USP32: variants seen among roughly 807,000 people sequenced by gnomAD.
USP32 encodes ubiquitin carboxyl-terminal hydrolase 32.
A neutral mutation model predicts 204.8 loss-of-function variants in USP32; 59 were observed. The ratio of observed to expected loss-of-function variants is 0.29; its 90% CI spans 0.23 to 0.36. The LOEUF (loss-of-function observed/expected upper bound fraction) is 0.36, where lower values mean the gene tolerates loss of function less well. Among genes scored for constraint, USP32 ranks in the 10% least tolerant of loss-of-function variants. The pLI, the probability that USP32 is intolerant of heterozygous loss-of-function variation, is 1.00. For synonymous variants in USP32, 517 were observed against 678.4 expected (o/e 0.76, Z 3.70); for missense variants, 1,160 against 1,946.4 (o/e 0.60, Z 7.60).
chr17:60,260,518 T>TA (rs34862998), intron 9 of USP32, among the ~76,000 whole-genome samples: 18,859 of 139,324 alleles, frequency 0.14, 2,471 homozygotes, highest in African/African-American at 0.34. Context: ...AGCAAGACTT[T>TA]AAAAAAAAAA....
chr17:60,179,510 C>G, intron 33 of USP32, 82 bp from the exon 34 acceptor site: 2 of 1,545,598 alleles, frequency 1.3e-6, no homozygotes, highest in Non-Finnish European at 1.8e-6. Flanking sequence ...AAGACCAACC[C>G]TCTGTAATTA....
At chr17:60,340,544 A>G (rs555952118) in intron 2 of USP32, among the ~76,000 whole-genome samples, 1 of 152,186 alleles carries the variant, frequency 6.6e-6, no homozygotes, top group South Asian at 2.1e-4. Flanking sequence ...CCATCCCTTT[A>G]TTTTGAGCCT....
At chr17:60,257,318 C>T (rs1340811396) in intron 9 of USP32, among the ~76,000 whole-genome samples, 5 of 152,122 alleles carry the variant, frequency 3.3e-5, no homozygotes, top group Admixed American at 6.6e-5. Context: ...CATGTTACTT[C>T]GTGGATCACA....
At chr17:60,245,392 G>T in intron 11 of USP32, 1 of 402,006 alleles carries the variant, frequency 2.5e-6, no homozygotes. Context: ...AACACTGTGG[G>T]CAATCTCAGC....
At chr17:60,418,651 T>G (rs1158793334) in intron 1 of USP32, among the ~76,000 whole-genome samples, 2 of 151,956 alleles carry the variant, frequency 1.3e-5, no homozygotes, top group Non-Finnish European at 2.9e-5. Flanking sequence ...GAAAGGAACT[T>G]AAATACATTT....
At chr17:60,373,195 G>A (rs989630308) in intron 1 of USP32, among the ~76,000 whole-genome samples, 1 of 151,962 alleles carries the variant, frequency 6.6e-6, no homozygotes, top group African/African-American at 2.4e-5. Context: ...CCTGTCTCGA[G>A]ACAAAACTAA....
intron 2 of USP32, among the ~76,000 whole-genome samples, chr17:60,318,455 A>G (rs2088035547): frequency 6.6e-6 from 1 of 152,230 alleles, no homozygotes; most frequent in Non-Finnish European, 1.5e-5. Context: ...AGCAGGGAAA[A>G]GGACTTGTTC....
At chr17:60,323,628 G>A (rs2088163679) in intron 2 of USP32, among the ~76,000 whole-genome samples, 1 of 152,096 alleles carries the variant, frequency 6.6e-6, no homozygotes, top group South Asian at 2.1e-4. Context: ...CTCAATAAAA[G>A]CTTTTAAGAA....
rs1341574643 is a variant in USP32, at chr17:60,181,359, G to A, written c.4513C>T (p.Arg1505Cys). 18 of 1,613,306 alleles carry A rather than the reference G, an allele frequency of 1.1e-5. No homozygotes were observed. Among genetic ancestry groups the A allele is most frequent in the Non-Finnish European group, 1.5e-5 (18 of 1,179,834 alleles). ...TATAGATTATAAATAGGCTTAATAC[G>A]AGTATCTTCTCTTTGGTCATCAGTG... is the stretch of plus-strand genomic sequence containing the variant. ...DSTDDQREDT[R>C]IKPIYNLYAI... is the part of the protein sequence containing the mutation. The change falls in exon 32 of 34, where the codon CGT (arginine) becomes TGT (cysteine). Residue 1505 changes from arginine to cysteine, a missense_variant. Physicochemically the swap from Arg to Cys is radical, Grantham distance 180 (BLOSUM62 -3). Coordinates refer to ENST00000300896, the MANE Select transcript of USP32 (RefSeq NM_032582.4).
rs118138720 is a variant in USP32, at chr17:60,185,319, T to C, written c.3834+141A>G. The C allele has an allele frequency of 3.2e-3, 3,086 of 969,554 alleles. 38 individuals carry two copies. In the South Asian group the frequency reaches 0.032, roughly 10 times the overall value. The allele number at this position is 969,554 out of a possible 1,614,324, so 60.1% of individuals were successfully genotyped here. The stretch of plus-strand genomic sequence containing the variant: ...GAAAGATTCATCTCTGTATTCAACA[T>C]AAAAAGCTTGTACAGAAAGTGTTTT... On this transcript the variant is annotated intron_variant, in intron 30 of 33. Coordinates refer to ENST00000300896, the MANE Select transcript of USP32 (RefSeq NM_032582.4).
rs558866163 is a variant in USP32 at position 60,306,453 on chromosome 17, T to C, written c.187-4749A>G. On this transcript the variant is annotated intron_variant, in intron 2 of 33. Coordinates refer to ENST00000300896, the MANE Select transcript of USP32 (RefSeq NM_032582.4). ...AGGAGTTCGAGAGCTGCCTGGCCAA[T>C]GTGGTAAAACCTTGTCTCTACTAAA... is the stretch of plus-strand genomic sequence containing the variant. 4.2e-4 allele frequency among the ~76,000 whole-genome samples: 64 copies of C among 152,090 alleles called. 1 individual carries two copies. Among genetic ancestry groups the C allele is most frequent in the Admixed American group, 1.1e-3 (17 of 15,272 alleles).
chr17:60,233,204 G>A (rs2085621097), intron 12 of USP32, among the ~76,000 whole-genome samples: 1 of 152,198 alleles, frequency 6.6e-6, no homozygotes, highest in South Asian at 2.1e-4. Flanking sequence ...GAGTCTGGGT[G>A]CCTGTAATCC....
At chr17:60,190,492 G>A (rs755481725) in intron 29 of USP32, 71 bp downstream of exon 29, 10 of 1,467,116 alleles carry the variant, frequency 6.8e-6, no homozygotes, top group Non-Finnish European at 9.0e-6. Context: ...AAACAGAAAT[G>A]GCATAATAGT....
At chr17:60,323,660 A>G (rs573116470) in intron 2 of USP32, among the ~76,000 whole-genome samples, 19 of 152,234 alleles carry the variant, frequency 1.2e-4, no homozygotes, top group Non-Finnish European at 2.1e-4. Flanking sequence ...TATTTCTTTT[A>G]AAGCAAAGAA....
chr17:60,212,239 G>A, intron 18 of USP32, 141 bp from the exon 19 acceptor site: 1 of 693,662 alleles, frequency 1.4e-6, no homozygotes, highest in Non-Finnish European at 2.5e-6. Context: ...ATTGCTTAAC[G>A]ACGAGGTTAT....
intron 1 of USP32, among the ~76,000 whole-genome samples, chr17:60,381,123 G>A (rs369981691): frequency 2.6e-5 from 4 of 152,142 alleles, no homozygotes; most frequent in African/African-American, 9.7e-5. Context: ...AGCAGCACTA[G>A]GTAGTCCCAT....
chr17:60,414,719 A>T (rs925363502), intron 1 of USP32, among the ~76,000 whole-genome samples: 3 of 152,044 alleles, frequency 2.0e-5, no homozygotes, highest in African/African-American at 7.2e-5. Context: ...ATGAGCCACC[A>T]CGCCCAGCCA....
At chr17:60,254,187 T>C (rs890014859) in intron 10 of USP32, among the ~76,000 whole-genome samples, 1 of 152,174 alleles carries the variant, frequency 6.6e-6, no homozygotes, top group Non-Finnish European at 1.5e-5. Context: ...CGAATAACTA[T>C]AAAAATGGGA....
chr17:60,237,066 T>C (rs1374246366), intron 11 of USP32, among the ~76,000 whole-genome samples: 1 of 152,048 alleles, frequency 6.6e-6, no homozygotes, highest in Non-Finnish European at 1.5e-5. Flanking sequence ...GCAATTCTAG[T>C]GGGTGTGAAA....
Sources: allele counts gnomAD v4.1 joint callset (sites outside exome capture counted in the v4.1 genomes callset), GRCh38; gene constraint gnomAD v4.1.1; transcripts MANE v1.5; gene names NCBI Gene and HGNC (gene_info 2026-07-23, HGNC 2026-07-21).